TBC1D5: variants seen among roughly 807,000 people sequenced by gnomAD.
TBC1D5 encodes the protein TBC1 domain family, member 5.
Under a neutral mutation model 100.3 loss-of-function variants are expected in TBC1D5, and 75 were observed. That is an observed-to-expected ratio of 0.75 (90% CI 0.62 to 0.91). The LOEUF (loss-of-function observed/expected upper bound fraction) is 0.91. TBC1D5 is among the 40% of genes least tolerant of loss of function. The pLI, the probability that TBC1D5 is intolerant of heterozygous loss-of-function variation, is 0.00. For synonymous variants in TBC1D5, 323 were observed against 325.6 expected, an observed-to-expected ratio of 0.99 and a Z score of 0.09; for missense variants, 910 against 942.4, an observed-to-expected ratio of 0.97 and a Z score of 0.45.
chr3:17,583,417 TA>T (rs986432742), intron 2 of TBC1D5, among the ~76,000 whole-genome samples: 41 of 152,024 alleles, frequency 2.7e-4, no homozygotes, highest in African/African-American at 8.4e-4. Flanking sequence ...TAGTAAGTGT[TA>T]GCAAAATGTA....
intron 19 of TBC1D5, among the ~76,000 whole-genome samples, chr3:17,177,708 C>T (rs1408685473): frequency 6.6e-6 from 1 of 152,122 alleles, no homozygotes; most frequent in Non-Finnish European, 1.5e-5. Flanking sequence ...CCTACTGCAT[C>T]GGAATCCTAT....
At chr3:17,374,539 C>A (rs770405630) in exon 12 of TBC1D5, 1 of 1,611,156 alleles carries the variant, frequency 6.2e-7, no homozygotes, top group South Asian at 1.1e-5. Flanking sequence ...GAGAACACTG[C>A]ACTAAAAATA....
chr3:17,157,715 TA>T (rs1263931517), exon 22 of TBC1D5: 2 of 144,582 alleles, frequency 1.4e-5, no homozygotes, highest in Non-Finnish European at 3.2e-5. Flanking sequence ...CTTAAAAAAA[TA>T]AAATAAAAAC....
chr3:17,711,445 C>T (rs1384004133), intron 1 of TBC1D5, among the ~76,000 whole-genome samples: 1 of 152,074 alleles, frequency 6.6e-6, no homozygotes, highest in Non-Finnish European at 1.5e-5. Context: ...GTATATTCCT[C>T]CATAATTCTA....
At chr3:17,658,820 A>AC (rs968216731) in intron 1 of TBC1D5, among the ~76,000 whole-genome samples, 1 of 151,920 alleles carries the variant, frequency 6.6e-6, no homozygotes, top group African/African-American at 2.4e-5. Context: ...GCACCACTAC[A>AC]CCCCACTAAT....
At chr3:17,535,709 G>T (rs1036290693) in intron 2 of TBC1D5, among the ~76,000 whole-genome samples, 1 of 152,054 alleles carries the variant, frequency 6.6e-6, no homozygotes, top group Non-Finnish European at 1.5e-5. Flanking sequence ...ATAAAAAAAA[G>T]TTGCGGGATG....
chr3:17,183,452 A>G (rs1045715689), intron 19 of TBC1D5, among the ~76,000 whole-genome samples: 13 of 152,230 alleles, frequency 8.5e-5, no homozygotes, highest in Admixed American at 3.9e-4. Context: ...ATAGGTCTAT[A>G]TGAATTTTTA....
intron 15 of TBC1D5, among the ~76,000 whole-genome samples, chr3:17,280,307 C>A (rs1417010196): frequency 6.6e-6 from 1 of 152,114 alleles, no homozygotes; most frequent in Non-Finnish European, 1.5e-5. Context: ...GGACTGGAGG[C>A]TGGGAAATTC....
At chr3:17,237,054 A>T (rs1451531234) in intron 17 of TBC1D5, among the ~76,000 whole-genome samples, 1 of 152,184 alleles carries the variant, frequency 6.6e-6, no homozygotes, top group Non-Finnish European at 1.5e-5. Context: ...TTTTGAATGT[A>T]ATTTCCTTAA....
Position 17,377,601 on chromosome 3 carries a change from G to A in TBC1D5, c.613-988C>T, listed in dbSNP as rs182886928. Among the ~76,000 whole-genome samples the A allele has an allele frequency of 8.9e-4, 136 of 151,976 alleles. 2 individuals carry two copies. In the East Asian group the frequency reaches 0.012, roughly 14 times the overall value. ...TTTAGAGGAAATAAAAATAAAATAC[G>A]AAAGCAGAGAGGAGATAAATATTTT... is the stretch of plus-strand genomic sequence containing the variant. On this transcript the variant is annotated intron_variant, in intron 9 of 21. Coordinates refer to ENST00000253692, the Ensembl canonical transcript of TBC1D5.
At chr3:17,312,314 T>A (rs1348263384) in intron 13 of TBC1D5, among the ~76,000 whole-genome samples, 1 of 152,162 alleles carries the variant, frequency 6.6e-6, no homozygotes, top group Non-Finnish European at 1.5e-5. Flanking sequence ...CTCTGCAGAA[T>A]ACATTACTGA....
At chr3:17,684,226 A>T (rs747582910) in intron 1 of TBC1D5, among the ~76,000 whole-genome samples, 2 of 152,122 alleles carry the variant, frequency 1.3e-5, no homozygotes, top group South Asian at 4.1e-4. Flanking sequence ...TTCTAAATCC[A>T]TGTATATAAA....
intron 1 of TBC1D5, among the ~76,000 whole-genome samples, chr3:17,700,351 T>C (rs1445294532): frequency 2.6e-5 from 4 of 152,108 alleles, no homozygotes; most frequent in Non-Finnish European, 2.9e-5. Flanking sequence ...AAGACTTAAA[T>C]GTTAGACCTA....
chr3:17,376,786 G>T (rs1158960520), intron 9 of TBC1D5, among the ~76,000 whole-genome samples, 173 bp from the exon 10 acceptor site: 1 of 152,100 alleles, frequency 6.6e-6, no homozygotes, highest in African/African-American at 2.4e-5. Context: ...TCTACGTTCA[G>T]AATTTGATTC....
chr3:17,319,079 C>A lies in TBC1D5; in HGVS notation c.996-10945G>T, dbSNP rs551715650. 4.6e-5 allele frequency among the ~76,000 whole-genome samples: 7 copies of A among 152,274 alleles called. No individual in the cohort carries two copies. The East Asian group carries it at 1.3e-3, about 29-fold the overall frequency. On this transcript the variant is annotated intron_variant, in intron 13 of 21. Coordinates refer to ENST00000253692, the Ensembl canonical transcript of TBC1D5. ...ACTTATGAGGTCTAGAATTGTATTTCGGGCTAATGGAGAGAACAGAAACTC... is the reference window on the plus strand; with the variant it reads ...ACTTATGAGGTCTAGAATTGTATTTAGGGCTAATGGAGAGAACAGAAACTC...
intron 3 of TBC1D5, among the ~76,000 whole-genome samples, chr3:17,493,666 C>CAG (rs1278048336): frequency 6.6e-6 from 1 of 152,172 alleles, no homozygotes; most frequent in African/African-American, 2.4e-5. Flanking sequence ...TGCCTTCTTT[C>CAG]AGCAAGATAG....
At chr3:17,605,892 G>C (rs2061306819) in intron 2 of TBC1D5, among the ~76,000 whole-genome samples, 1 of 152,048 alleles carries the variant, frequency 6.6e-6, no homozygotes, top group Admixed American at 6.6e-5. Flanking sequence ...ATACAAAGAT[G>C]AAGACCCATT....
chr3:17,666,908 C>T (rs766301073), intron 1 of TBC1D5, among the ~76,000 whole-genome samples: 3 of 151,930 alleles, frequency 2.0e-5, no homozygotes, highest in South Asian at 2.1e-4. Context: ...TTAGATCTTT[C>T]GTGTTTTTGT....
chr3:17,376,545 G>A (rs757849667), exon 10 of TBC1D5: 14 of 1,612,852 alleles, frequency 8.7e-6, no homozygotes, highest in Middle Eastern at 1.6e-4. Flanking sequence ...CAGACTCACT[G>A]GCATGTAGAA....
Sources: allele counts gnomAD v4.1 joint callset (sites outside exome capture counted in the v4.1 genomes callset), GRCh38; gene constraint gnomAD v4.1.1; transcripts MANE v1.5; gene names NCBI Gene and HGNC (gene_info 2026-07-23, HGNC 2026-07-21).